Variants in SPG7 observed in about 807,000 individuals in gnomAD.
The protein encoded by SPG7 is mitochondrial inner membrane m-AAA protease component paraplegin.
Under a neutral mutation model 81.9 loss-of-function variants are expected in SPG7, and 103 were observed. The ratio of observed to expected loss-of-function variants is 1.26; its 90% CI spans 1.07 to 1.48. The LOEUF (loss-of-function observed/expected upper bound fraction) is 1.48, where lower values mean the gene tolerates loss of function less well. SPG7 is among the 40% of genes most tolerant of loss of function. The probability of loss-of-function intolerance (pLI) is 0.00; values close to 1 mark genes in which losing one functional copy is unlikely to be tolerated. For synonymous variants in SPG7, 534 were observed against 444.2 expected (o/e 1.20, Z -2.54); for missense variants, 1,241 against 1,087.3 (o/e 1.14, Z -1.99).
intron 6 of SPG7, chr16:89,530,006 A>T (rs1033407592): frequency 9.9e-6 from 3 of 302,284 alleles, no homozygotes; most frequent in African/African-American, 6.6e-5. Flanking sequence ...CGTCCAGCTA[A>T]TTTTGTATTT....
chr16:89,532,476 C>A lies in SPG7; in HGVS notation c.1164C>A (p.Ala388=). The A allele has an allele frequency of 6.2e-7, 1 of 1,613,504 alleles. No individual in the cohort carries two copies. The highest frequency in any genetic ancestry group is 8.5e-7 in the Non-Finnish European group (1 of 1,180,040). Residue 388 remains alanine (A), a synonymous_variant, in exon 9 of 17, where the codon GCC becomes GCA. Transcript: ENST00000645818. The part of the protein sequence containing the change: ...FVEVIGGLGA[A]RVRSLFKEAR... The stretch of plus-strand genomic sequence containing the variant: ...GTGTCCCCTCAGGCCTCGGCGCTGC[C>A]CGTGTGCGGAGCCTCTTTAAGGAAG...
chr16:89,546,575 C>A (rs1040678665), intron 10 of SPG7, 83 bp from the exon 11 acceptor site: 12 of 920,994 alleles, frequency 1.3e-5, no homozygotes, highest in Non-Finnish European at 2.0e-5. Context: ...TTGGGGACCC[C>A]CCCCCCCCAC....
intron 9 of SPG7, chr16:89,536,656 A>AGGCGAGGCGGGTGAGATCG: frequency 7.8e-7 from 1 of 1,282,496 alleles, no homozygotes; most frequent in African/African-American, 1.7e-5. Context: ...TGGGCGAGGC[A>AGGCGAGGCGGGTGAGATCG]GGCGAGGCGG....
At chr16:89,531,689 A>G in intron 7 of SPG7, 1 of 583,888 alleles carries the variant, frequency 1.7e-6, no homozygotes, top group South Asian at 2.0e-5. Context: ...GAAGTTTTTA[A>G]AAGTAGCTGG....
At chr16:89,532,337 G>C (rs1043025448) in intron 8 of SPG7, 126 bp from the exon 9 acceptor site, 3 of 1,250,678 alleles carry the variant, frequency 2.4e-6, no homozygotes, top group Admixed American at 1.8e-5. Flanking sequence ...CCGTGTGTCT[G>C]TTTGTAGGGA....
chr16:89,512,972 C>T lies in SPG7; in HGVS notation c.311C>T (p.Ser104Leu). Residue 104 changes from serine to leucine, a missense_variant, in exon 3 of 17, where the codon TCA (serine) becomes TTA (leucine). By Grantham distance (145) the Ser-to-Leu change is moderately radical. Transcript: ENST00000645818. ...LLGGTFYFNTSRLKQKNKEKD... is the reference protein window; with the variant it reads ...LLGGTFYFNTLRLKQKNKEKD... Reference sequence around the variant, plus strand: ...GGTGGTACTTTCTATTTTAACACCTCAAGGTTGAAGCAGAAGAATAAGGAG... The same window carrying T: ...GGTGGTACTTTCTATTTTAACACCTTAAGGTTGAAGCAGAAGAATAAGGAG... 3.1e-6 allele frequency: 5 copies of T among 1,613,326 alleles called. No homozygotes were observed. Among genetic ancestry groups the T allele is most frequent in the Non-Finnish European group, 4.2e-6 (5 of 1,179,420 alleles).
chr16:89,557,419 G>C lies in SPG7; in HGVS notation c.*326G>C. ...GCTGAGGCCACCCAGAGGCAGCAGA[G>C]CATTCAGACTCCAAACAGACCCCTG... is the stretch of plus-strand genomic sequence containing the variant. On this transcript the variant is annotated 3_prime_UTR_variant, in exon 17 of 17. Coordinates refer to ENST00000645818, the MANE Select transcript of SPG7 (RefSeq NM_003119.4). 2 of 387,876 alleles carry C rather than the reference G, an allele frequency of 5.2e-6. No individual in the cohort carries two copies. The highest frequency in any genetic ancestry group is 9.7e-6 in the Non-Finnish European group (2 of 206,962). 24.0% of individuals were successfully genotyped at this position (387,876 alleles called of 1,614,324 possible). A position where few individuals can be genotyped will look rare whatever the true frequency, so the allele number is the denominator to read the frequency against.
chr16:89,530,833 G>C, intron 7 of SPG7, 25 bp downstream of exon 7: 1 of 1,613,618 alleles, frequency 6.2e-7, no homozygotes, highest in Admixed American at 1.7e-5. Flanking sequence ...GGCCGGGAGG[G>C]AGGTGTGAGC....
chr16:89,542,089 C>G (rs749983410), intron 9 of SPG7: 2 of 152,436 alleles, frequency 1.3e-5, no homozygotes, highest in African/African-American at 4.8e-5. Context: ...TGCTGAAGGC[C>G]GAGCTGTGCT....
intron 13 of SPG7, 123 bp downstream of exon 13, chr16:89,550,732 G>T (rs1380800031): frequency 5.6e-6 from 4 of 709,062 alleles, no homozygotes; most frequent in African/African-American, 5.2e-5. Flanking sequence ...AGTCCCGCCT[G>T]TGTCTGTAGG....
chr16:89,537,258 C>T, intron 9 of SPG7: 1 of 1,387,184 alleles, frequency 7.2e-7, no homozygotes, highest in Non-Finnish European at 9.3e-7. Context: ...GTCAGCCGGT[C>T]CATGGCGGTG....
At chr16:89,537,642 G>C (rs1268107706) in intron 9 of SPG7, 3 of 946,688 alleles carry the variant, frequency 3.2e-6, no homozygotes, top group Non-Finnish European at 3.8e-6. Context: ...AGCTTCCTAA[G>C]TAGTTGGGAC....
intron 9 of SPG7, among the ~76,000 whole-genome samples, chr16:89,535,446 A>G (rs918656387): frequency 1.3e-5 from 2 of 152,194 alleles, no homozygotes; most frequent in Non-Finnish European, 2.9e-5. Flanking sequence ...TTTGCGGAGA[A>G]TGCTTCACAC....
intron 5 of SPG7, chr16:89,529,192 G>A: frequency 2.1e-6 from 1 of 478,286 alleles, no homozygotes; most frequent in Non-Finnish European, 3.8e-6. Context: ...AAAATATACT[G>A]AAAATAGAAA....
chr16:89,536,928 T>C (rs1269930873), intron 9 of SPG7: 1 of 1,614,160 alleles, frequency 6.2e-7, no homozygotes, highest in Non-Finnish European at 8.5e-7. Flanking sequence ...GACCACCTTT[T>C]TGAGTGACTT....
In SPG7 at chr16:89,532,031, C is replaced by T. The variant is rs776176403; in HGVS notation, c.1115C>T (p.Ala372Val). The change falls in exon 8 of 17, where the codon GCG (alanine) becomes GTG (valine). Residue 372 changes from alanine (A) to valine (V), a missense_variant. Ala to Val is a moderately conservative substitution (Grantham distance 64, BLOSUM62 0). Coordinates refer to ENST00000645818, the MANE Select transcript of SPG7 (RefSeq NM_003119.4). ...ACGGAGGCTCAGGTGCCCTTCCTGG[C>T]GATGGCCGGCCCAGAGTTCGTGGAG... ...VATEAQVPFL[A>V]MAGPEFVEVI... 17 of 1,613,246 alleles carry T rather than the reference C, an allele frequency of 1.1e-5. No individual in the cohort carries two copies. The highest frequency in any genetic ancestry group is 1.7e-5 in the Admixed American group (1 of 60,000).
At chr16:89,525,502 GAGC>G (rs2152400124) in intron 4 of SPG7, among the ~76,000 whole-genome samples, 1 of 152,282 alleles carries the variant, frequency 6.6e-6, no homozygotes, top group East Asian at 1.9e-4. Context: ...GTGAGTGAGG[GAGC>G]AGCAGGTGCC....
At chr16:89,545,158 C>G (rs2058547182) in intron 10 of SPG7, 1 of 351,228 alleles carries the variant, frequency 2.8e-6, no homozygotes, top group African/African-American at 2.1e-5. Flanking sequence ...TCTTGTGTGG[C>G]ATCACTTCCT....
At chr16:89,510,817 G>A (rs990877978) in intron 2 of SPG7, among the ~76,000 whole-genome samples, 3 of 152,100 alleles carry the variant, frequency 2.0e-5, no homozygotes, top group South Asian at 2.1e-4. Flanking sequence ...GGCGTGTACC[G>A]TCACACTCGG....
Sources: allele counts gnomAD v4.1 joint callset (sites outside exome capture counted in the v4.1 genomes callset), GRCh38; gene constraint gnomAD v4.1.1; transcripts MANE v1.5; gene names NCBI Gene and HGNC (gene_info 2026-07-23, HGNC 2026-07-21).